Variants in PCDHGA1 observed in about 807,000 individuals in gnomAD.
PCDHGA1 encodes protocadherin gamma subfamily A, 1.
In PCDHGA1, 32 loss-of-function variants were observed where a neutral mutation model predicts 58.0. The observed-to-expected ratio is 0.55, with a 90% CI of 0.42 to 0.74. The LOEUF (loss-of-function observed/expected upper bound fraction) is 0.74, where lower values mean the gene tolerates loss of function less well. Among genes scored for constraint, PCDHGA1 ranks in the 30% least tolerant of loss-of-function variants. The pLI is 0.00. For missense variants in PCDHGA1, 1,205 were observed against 1,182.3 expected, an observed-to-expected ratio of 1.02 and a Z score of -0.28; for synonymous variants, 498 against 501.1, an observed-to-expected ratio of 0.99 and a Z score of 0.08.
chr5:141,395,518 C>T (rs1046650715), intron 1 of PCDHGA1: 2 of 412,004 alleles, frequency 4.9e-6, no homozygotes, highest in Admixed American at 4.2e-5. Context: ...AGCTACCCGT[C>T]CATACTGGTA....
At chr5:141,400,777 T>G (rs2094073733) in intron 1 of PCDHGA1, 1 of 565,634 alleles carries the variant, frequency 1.8e-6, no homozygotes. Context: ...ATTTGGTGCG[T>G]TTTTTTGTCC....
chr5:141,454,464 T>C (rs1365696226), intron 1 of PCDHGA1, among the ~76,000 whole-genome samples: 1 of 152,196 alleles, frequency 6.6e-6, no homozygotes, highest in Non-Finnish European at 1.5e-5. Flanking sequence ...TGGAGTGCAA[T>C]GGCATGATCT....
At position 141,480,425 on chromosome 5, in the gene PCDHGA1, AT is replaced by A. The variant is rs553131122; in HGVS notation, c.2422-14380del. On this transcript the variant is annotated intron_variant, in intron 1 of 3. Transcript: ENST00000517417. ...GTGAGACCCTGTCTCAAAAAAAAAA[AT>A]TATCAGCTATTACTATAATTATTTT... 2.3e-4 allele frequency among the ~76,000 whole-genome samples: 34 copies of A among 149,340 alleles called. 1 individual carries two copies. In the South Asian group the frequency reaches 6.0e-3, roughly 26 times the overall value.
intron 1 of PCDHGA1, chr5:141,339,366 G>T: frequency 6.2e-7 from 1 of 1,614,164 alleles, no homozygotes; most frequent in South Asian, 1.1e-5. Context: ...AATGCCCCTC[G>T]CTTTGGAGTA....
Position 141,511,344 on chromosome 5 carries a change from T to G in PCDHGA1, c.*171T>G, listed in dbSNP as rs2099883730. 3 of 1,419,052 alleles carry G rather than the reference T, an allele frequency of 2.1e-6. No homozygotes were observed. Among genetic ancestry groups the G allele is most frequent in the Non-Finnish European group, 2.8e-6 (3 of 1,067,404 alleles). 87.9% of individuals were successfully genotyped at this position (1,419,052 alleles called of 1,614,324 possible). On this transcript the variant is annotated 3_prime_UTR_variant, in exon 4 of 4. Coordinates refer to ENST00000517417, the MANE Select transcript of PCDHGA1 (RefSeq NM_018912.3). The stretch of plus-strand genomic sequence containing the variant: ...CAAGTGCCCAGTCAGCACCTACCCC[T>G]TCCCCCCCAGGGGGTTGAATATGCA...
intron 1 of PCDHGA1, chr5:141,416,276 A>G (rs553989511): frequency 6.6e-6 from 1 of 152,388 alleles, no homozygotes; most frequent in East Asian, 1.9e-4. Context: ...TTTTGCATAC[A>G]ATTCTCTAAT....
chr5:141,374,884 C>T (rs1770914347), intron 1 of PCDHGA1: 1 of 1,613,714 alleles, frequency 6.2e-7, no homozygotes, highest in African/African-American at 1.3e-5. Context: ...TGACTGCCAC[C>T]GACCAGGATG....
chr5:141,388,404 C>T, intron 1 of PCDHGA1: 1 of 1,613,952 alleles, frequency 6.2e-7, no homozygotes, highest in Non-Finnish European at 8.5e-7. Context: ...CCAACTCAGT[C>T]CCAGTGATCA....
At chr5:141,465,880 TG>T (rs2154569018) in intron 1 of PCDHGA1, among the ~76,000 whole-genome samples, 1 of 152,096 alleles carries the variant, frequency 6.6e-6, no homozygotes, top group East Asian at 1.9e-4. Context: ...CCCAGCACTT[TG>T]GGAGGCCGAG....
chr5:141,497,217 G>A (rs1046945884), intron 2 of PCDHGA1, among the ~76,000 whole-genome samples: 1 of 152,066 alleles, frequency 6.6e-6, no homozygotes, highest in African/African-American at 2.4e-5. Flanking sequence ...AATGGGGGGG[G>A]GAAGATCAGA....
chr5:141,399,519 G>A (rs1467117930), intron 1 of PCDHGA1: 2 of 1,614,036 alleles, frequency 1.2e-6, no homozygotes, highest in Non-Finnish European at 1.7e-6. Context: ...ACCCTCCTGG[G>A]GCCTCCATCG....
chr5:141,348,394 C>A (rs1169236382), intron 1 of PCDHGA1, among the ~76,000 whole-genome samples: 2 of 152,068 alleles, frequency 1.3e-5, no homozygotes, highest in Non-Finnish European at 2.9e-5. Context: ...CATAGCATGA[C>A]CCTGTCTCAA....
chr5:141,382,029 A>G (rs574099831), intron 1 of PCDHGA1, among the ~76,000 whole-genome samples: 1 of 151,502 alleles, frequency 6.6e-6, no homozygotes, highest in Non-Finnish European at 1.5e-5. Context: ...GGGTTTCTCC[A>G]TGTTGGTCAG....
intron 1 of PCDHGA1, chr5:141,405,019 T>C (rs2094597771): frequency 6.2e-7 from 1 of 1,613,860 alleles, no homozygotes; most frequent in African/African-American, 1.3e-5. Flanking sequence ...CCTCAGACCT[T>C]ACCCTCTACC....
At chr5:141,503,474 T>C (rs2099820145) in intron 2 of PCDHGA1, among the ~76,000 whole-genome samples, 1 of 151,828 alleles carries the variant, frequency 6.6e-6, no homozygotes, top group South Asian at 2.1e-4. Context: ...ATGTGTGCAC[T>C]TGTCGTCCCA....
intron 1 of PCDHGA1, chr5:141,340,983 T>A (rs749041064): frequency 8.7e-6 from 14 of 1,613,742 alleles, no homozygotes; most frequent in Non-Finnish European, 8.5e-7. Context: ...ATCCCCGACA[T>A]CCTGGCCGAC....
intron 1 of PCDHGA1, among the ~76,000 whole-genome samples, chr5:141,437,929 G>A (rs1479763331): frequency 6.6e-6 from 1 of 151,960 alleles, no homozygotes; most frequent in East Asian, 1.9e-4. Context: ...GTAGAGATGG[G>A]GTTTCACCAT....
At chr5:141,472,109 A>G (rs1353132107) in intron 1 of PCDHGA1, among the ~76,000 whole-genome samples, 2 of 152,234 alleles carry the variant, frequency 1.3e-5, no homozygotes, top group Non-Finnish European at 2.9e-5. Flanking sequence ...TTTTATACAT[A>G]AAGAAAATAA....
At chr5:141,420,403 G>T in intron 1 of PCDHGA1, 3 of 1,246,014 alleles carry the variant, frequency 2.4e-6, no homozygotes, top group East Asian at 2.8e-5. Context: ...TCAAATTTAT[G>T]GTTATCATTA....
Sources: allele counts gnomAD v4.1 joint callset (sites outside exome capture counted in the v4.1 genomes callset), GRCh38; gene constraint gnomAD v4.1.1; transcripts MANE v1.5; gene names NCBI Gene and HGNC (gene_info 2026-07-23, HGNC 2026-07-21).